DST: variants seen among roughly 807,000 people sequenced by gnomAD.
DST encodes dystonin.
Under a neutral mutation model 875.2 loss-of-function variants are expected in DST, and 253 were observed. The ratio of observed to expected loss-of-function variants is 0.29; its 90% CI spans 0.26 to 0.32. The LOEUF (loss-of-function observed/expected upper bound fraction) is 0.32, where lower values mean the gene tolerates loss of function less well. Ranked by LOEUF, DST falls within the 10% of genes least tolerant of loss-of-function variation. The pLI is 1.00. For synonymous variants in DST, 3,124 were observed against 3,197.1 expected, an observed-to-expected ratio of 0.98 and a Z score of 0.77; for missense variants, 8,287 against 9,111.6, an observed-to-expected ratio of 0.91 and a Z score of 3.68.
intron 5 of DST, among the ~76,000 whole-genome samples, chr6:56,729,258 A>G (rs573634860): frequency 6.6e-6 from 1 of 152,324 alleles, no homozygotes; most frequent in South Asian, 2.1e-4. Flanking sequence ...ACCAAGCAGT[A>G]TTTTTCATTA....
At chr6:56,611,677 A>C in intron 37 of DST, 81 bp from the exon 38 acceptor site, 2 of 1,031,202 alleles carry the variant, frequency 1.9e-6, no homozygotes, top group Non-Finnish European at 2.9e-6. Flanking sequence ...GAAATTAATC[A>C]AGCTTTAGTC....
intron 4 of DST, among the ~76,000 whole-genome samples, chr6:56,764,916 C>A (rs546536755): frequency 7.2e-6 from 1 of 139,006 alleles, no homozygotes; most frequent in South Asian, 2.5e-4. Context: ...AAGATCATGC[C>A]ATTGCACTGC....
rs57178695 is a variant in DST, at chr6:56,871,547, A to G, written c.418-19943T>C. The stretch of plus-strand genomic sequence containing the variant: ...CTCTGGTCATTGAGCATATCCAAAT[A>G]AACAAAGCACCTAAGACACACTGCT... On this transcript the variant is annotated intron_variant, in intron 3 of 103. Coordinates refer to ENST00000680361, the MANE Select transcript of DST (RefSeq NM_001374736.1). The G allele has an allele frequency of 8.5e-3, 10,059 of 1,184,186 alleles. 611 individuals are homozygous for G. In the African/African-American group the frequency reaches 0.13, roughly 16 times the overall value. 73.4% of individuals were successfully genotyped at this position (1,184,186 alleles called of 1,614,324 possible).
chr6:56,684,851 C>G (rs898330011), intron 9 of DST, among the ~76,000 whole-genome samples: 5 of 152,128 alleles, frequency 3.3e-5, no homozygotes, highest in Admixed American at 1.3e-4. Context: ...TCTATACTGG[C>G]AAAGGAGCTG....
intron 2 of DST, among the ~76,000 whole-genome samples, chr6:56,905,135 G>A (rs1795810354): frequency 6.6e-6 from 1 of 152,164 alleles, no homozygotes; most frequent in Non-Finnish European, 1.5e-5. Flanking sequence ...TTGGAAGCCT[G>A]TCAGTAGTGG....
At chr6:56,849,512 CAG>C (rs1034898886) in intron 4 of DST, among the ~76,000 whole-genome samples, 31 of 152,280 alleles carry the variant, frequency 2.0e-4, no homozygotes, top group African/African-American at 7.0e-4. Flanking sequence ...CCTACAAACT[CAG>C]TGAACATTTT....
chr6:56,623,986 CA>C (rs150463940), intron 36 of DST, among the ~76,000 whole-genome samples: 6 of 138,402 alleles, frequency 4.3e-5, no homozygotes, highest in Admixed American at 1.4e-4. Context: ...TATCTTTTTG[CA>C]AAAAAAAAAC....
chr6:56,923,099 C>A (rs938713554), intron 2 of DST, among the ~76,000 whole-genome samples: 1 of 151,990 alleles, frequency 6.6e-6, no homozygotes, highest in African/African-American at 2.4e-5. Flanking sequence ...TATTCCAAGA[C>A]TAAATAAAGT....
chr6:56,791,717 C>T (rs1048418223), intron 4 of DST, among the ~76,000 whole-genome samples: 2 of 148,220 alleles, frequency 1.3e-5, no homozygotes, highest in East Asian at 2.0e-4. Flanking sequence ...CCCAGGATGT[C>T]GAGGGTGCAG....
At chr6:56,880,372 C>A (rs967536990) in intron 3 of DST, among the ~76,000 whole-genome samples, 9 of 152,112 alleles carry the variant, frequency 5.9e-5, no homozygotes, top group Non-Finnish European at 8.8e-5. Flanking sequence ...TCGGAGAAAC[C>A]ATTTTAGTAC....
At chr6:56,849,578 A>G (rs1197800865) in intron 4 of DST, among the ~76,000 whole-genome samples, 1 of 152,190 alleles carries the variant, frequency 6.6e-6, no homozygotes, top group South Asian at 2.1e-4. Context: ...TACTAATAGC[A>G]TCAGCACCTT....
chr6:56,533,711 A>G (rs183699103), intron 63 of DST, among the ~76,000 whole-genome samples: 13 of 152,316 alleles, frequency 8.5e-5, no homozygotes, highest in African/African-American at 3.1e-4. Flanking sequence ...TAAATTGTGA[A>G]TGGTAGACAC....
chr6:56,590,963 GC>G (rs2098262430), intron 49 of DST, among the ~76,000 whole-genome samples: 1 of 152,320 alleles, frequency 6.6e-6, no homozygotes, highest in East Asian at 1.9e-4. Context: ...TGTTTCCCGT[GC>G]TAACAGCACA....
Position 56,569,928 on chromosome 6 carries a change from T to C in DST, c.13806A>G (p.Thr4602=). Residue 4602 remains threonine, a synonymous_variant, in exon 54 of 104, where the codon ACA becomes ACG. Transcript: ENST00000680361. Reference sequence around the variant, plus strand: ...GCTGTACAATGGGAACTTTTTTTGTTGTTTCTTTTATCCATGACTTCAATG... The same window carrying C: ...GCTGTACAATGGGAACTTTTTTTGTCGTTTCTTTTATCCATGACTTCAATG... ...VKSLKSWIKE[T]TKKVPIVQPS... is the part of the protein sequence containing the mutation. 2 of 1,612,078 alleles carry C rather than the reference T, an allele frequency of 1.2e-6. No homozygotes were observed. Among genetic ancestry groups the C allele is most frequent in the Non-Finnish European group, 8.5e-7 (1 of 1,179,240 alleles).
chr6:56,545,035 CAG>C (rs1286522930), intron 61 of DST, among the ~76,000 whole-genome samples: 1 of 151,946 alleles, frequency 6.6e-6, no homozygotes, highest in Non-Finnish European at 1.5e-5. Flanking sequence ...TTTTCTGAGA[CAG>C]GGTCTTGCTC....
intron 61 of DST, among the ~76,000 whole-genome samples, chr6:56,546,347 C>CATATATATATATATATATAT (rs10617867): frequency 1.4e-5 from 1 of 72,642 alleles, no homozygotes; most frequent in Non-Finnish European, 2.5e-5. Flanking sequence ...ATACATATTT[C>CATATATATATATATATATAT]ATATATATAT....
At chr6:56,832,516 T>C (rs185384794) in intron 4 of DST, among the ~76,000 whole-genome samples, 2 of 152,180 alleles carry the variant, frequency 1.3e-5, no homozygotes, top group East Asian at 1.9e-4. Context: ...CTGTAGGAAC[T>C]GTAAGTCCAA....
intron 3 of DST, among the ~76,000 whole-genome samples, chr6:56,856,592 T>A (rs969007496): frequency 8.5e-5 from 13 of 152,076 alleles, no homozygotes; most frequent in Non-Finnish European, 1.8e-4. Flanking sequence ...ACATGAAACA[T>A]ACACACTCAA....
chr6:56,636,574 T>C lies in DST; in HGVS notation c.3043A>G (p.Asn1015Asp). The C allele has an allele frequency of 6.2e-7, 1 of 1,613,168 alleles. No individual in the cohort carries two copies. Among genetic ancestry groups the C allele is most frequent in the Non-Finnish European group, 8.5e-7 (1 of 1,179,862 alleles). The change falls in exon 23 of 104, where the codon AAC (asparagine) becomes GAC (aspartate). Residue 1015 changes from asparagine (N) to aspartate (D), a missense_variant. By Grantham distance (23) the Asn-to-Asp change is conservative. Transcript: ENST00000680361. The part of the protein sequence containing the change: ...CQCVEQHIKE[N>D]TAYFEFFNDA... Reference sequence around the variant, plus strand: ...TCACATACCTCGAAATACGCTGTGTTCTCCTTTATGTGCTGCTCCACACAC... The same window carrying C: ...TCACATACCTCGAAATACGCTGTGTCCTCCTTTATGTGCTGCTCCACACAC...
Sources: gnomAD v4.1 joint callset for allele counts (sites outside exome capture counted in the v4.1 genomes callset) on GRCh38, gnomAD v4.1.1 for gene constraint, MANE v1.5 for transcripts, NCBI Gene and HGNC (gene_info 2026-07-23, HGNC 2026-07-21) for gene names.